BCL2L13: variants seen among roughly 807,000 people sequenced by gnomAD.
The protein encoded by BCL2L13 is bcl-2-like protein 13.
Under a neutral mutation model 25.8 loss-of-function variants are expected in BCL2L13, and 13 were observed. The observed-to-expected ratio is 0.50, with a 90% CI of 0.33 to 0.80. The LOEUF (loss-of-function observed/expected upper bound fraction) is 0.80. Among genes scored for constraint, BCL2L13 ranks in the 30% least tolerant of loss-of-function variants. The pLI, the probability that BCL2L13 is intolerant of heterozygous loss-of-function variation, is 0.02. For synonymous variants in BCL2L13, 244 were observed against 230.3 expected, an observed-to-expected ratio of 1.06 and a Z score of -0.54; for missense variants, 504 against 574.9, an observed-to-expected ratio of 0.88 and a Z score of 1.26.
rs950522712 is a variant in BCL2L13 at position 17,728,784 on chromosome 22, G to A, written c.*1250G>A. The A allele has an allele frequency of 1.3e-5, 2 of 152,254 alleles. No individual in the cohort carries two copies. Among genetic ancestry groups the A allele is most frequent in the African/African-American group, 4.8e-5 (2 of 41,466 alleles). The allele number at this position is 152,254 out of a possible 1,614,324, so 9.4% of individuals were successfully genotyped here. On this transcript the variant is annotated 3_prime_UTR_variant, in exon 7 of 7. Coordinates refer to ENST00000317582, the MANE Select transcript of BCL2L13 (RefSeq NM_015367.4). ...AGTTTGGCTTTCAGAGTTCAAGAGT[G>A]GTGGCATCTTCACCTGAATTCTTCA...
chr22:17,667,543 C>T (rs1446064538), intron 2 of BCL2L13, among the ~76,000 whole-genome samples: 2 of 151,720 alleles, frequency 1.3e-5, no homozygotes, highest in African/African-American at 4.8e-5. Flanking sequence ...GAGTCTATCT[C>T]TGTTGCCCAG....
At chr22:17,698,778 A>G (rs2060346655) in intron 5 of BCL2L13, among the ~76,000 whole-genome samples, 1 of 152,114 alleles carries the variant, frequency 6.6e-6, no homozygotes, top group Non-Finnish European at 1.5e-5. Context: ...TCCACCTGTT[A>G]GTAGTTACTC....
At chr22:17,663,631 C>T (rs2059139845) in intron 2 of BCL2L13, among the ~76,000 whole-genome samples, 1 of 150,582 alleles carries the variant, frequency 6.6e-6, no homozygotes, top group African/African-American at 2.4e-5. Flanking sequence ...ATTTCATCTT[C>T]CTTATTGTGT....
In BCL2L13 at chr22:17,687,952, G is replaced by A. The variant is rs1034694785; in HGVS notation, c.230-1034G>A. Among the ~76,000 whole-genome samples, 5 of 151,834 alleles carry A rather than the reference G, an allele frequency of 3.3e-5. No homozygotes were observed. In the South Asian group the frequency reaches 1.0e-3, roughly 32 times the overall value. ...CCTGCCTCAGGCTCCTGAGTAGCTG[G>A]GGTTACAGGCATGCACCATCACGCC... On this transcript the variant is annotated intron_variant, in intron 3 of 6. Coordinates refer to ENST00000317582, the MANE Select transcript of BCL2L13 (RefSeq NM_015367.4).
chr22:17,675,279 G>A lies in BCL2L13; in HGVS notation c.122-7935G>A, dbSNP rs143784325. On this transcript the variant is annotated intron_variant, in intron 2 of 6. Coordinates refer to ENST00000317582, the MANE Select transcript of BCL2L13 (RefSeq NM_015367.4). Reference sequence around the variant, plus strand: ...AATGTTGTCAATATCGGCCAGACGCGGTGGCTCACTCCTGTAATCCCAGCA... The same window carrying A: ...AATGTTGTCAATATCGGCCAGACGCAGTGGCTCACTCCTGTAATCCCAGCA... Among the ~76,000 whole-genome samples the A allele has an allele frequency of 5.9e-5, 9 of 152,180 alleles. No homozygotes were observed. The East Asian group carries it at 1.4e-3, about 23-fold the overall frequency.
At chr22:17,686,748 A>T (rs2059952968) in intron 3 of BCL2L13, among the ~76,000 whole-genome samples, 1 of 151,984 alleles carries the variant, frequency 6.6e-6, no homozygotes. Flanking sequence ...TGACCTTGTG[A>T]TCTACCCGCC....
intron 3 of BCL2L13, among the ~76,000 whole-genome samples, chr22:17,686,508 TTTTTTTTTC>T (rs972315322): frequency 1.8e-4 from 18 of 100,566 alleles, no homozygotes; most frequent in Non-Finnish European, 3.0e-4. Context: ...TTTATATTTC[TTTTTTTTTC>T]TTTTTTTTTT....
chr22:17,638,999 G>T, intron 1 of BCL2L13, 113 bp downstream of exon 1: 1 of 871,978 alleles, frequency 1.1e-6, no homozygotes, highest in Non-Finnish European at 1.5e-6. Context: ...TGGTTCCGAC[G>T]ACGCGTGAGT....
At chr22:17,711,757 G>T (rs1247122935) in intron 6 of BCL2L13, among the ~76,000 whole-genome samples, 2 of 152,188 alleles carry the variant, frequency 1.3e-5, no homozygotes, top group Non-Finnish European at 2.9e-5. Context: ...TTTTAGAAGT[G>T]CAGGTAAGTA....
At chr22:17,644,298 G>A (rs1416115837) in intron 1 of BCL2L13, among the ~76,000 whole-genome samples, 1 of 148,274 alleles carries the variant, frequency 6.7e-6, no homozygotes, top group Non-Finnish European at 1.5e-5. Flanking sequence ...GATTATAGTT[G>A]TGTTCAACTC....
chr22:17,712,809 A>G (rs547548666), intron 6 of BCL2L13, among the ~76,000 whole-genome samples: 10 of 152,336 alleles, frequency 6.6e-5, no homozygotes, highest in Non-Finnish European at 1.3e-4. Flanking sequence ...CTAAGTAAAC[A>G]GTAGCTATTT....
At chr22:17,693,402 C>T (rs1438893455) in intron 4 of BCL2L13, among the ~76,000 whole-genome samples, 6 of 97,510 alleles carry the variant, frequency 6.2e-5, no homozygotes, top group East Asian at 3.9e-4. Flanking sequence ...TTTTTGGAGA[C>T]GGAGTCTCGC....
At chr22:17,702,195 T>C (rs376835505) in intron 5 of BCL2L13, 48 bp from the exon 6 acceptor site, 51 of 1,445,300 alleles carry the variant, frequency 3.5e-5, no homozygotes, top group Non-Finnish European at 4.6e-5. Flanking sequence ...TAAAACACAT[T>C]ATAAGAATTT....
chr22:17,684,536 A>G (rs2059850836), intron 3 of BCL2L13: 1 of 453,060 alleles, frequency 2.2e-6, no homozygotes, highest in Admixed American at 2.4e-5. Context: ...CTGGAAATAT[A>G]CATAAATAGA....
chr22:17,656,431 A>G (rs535465239), intron 2 of BCL2L13, among the ~76,000 whole-genome samples: 3 of 119,746 alleles, frequency 2.5e-5, no homozygotes, highest in Non-Finnish European at 4.8e-5. Flanking sequence ...GCTCACTGCA[A>G]CCTCCACCTT....
chr22:17,713,859 G>A (rs868008540), intron 6 of BCL2L13, among the ~76,000 whole-genome samples: 25 of 151,946 alleles, frequency 1.6e-4, no homozygotes, highest in African/African-American at 5.8e-4. Flanking sequence ...AAAAAAAATG[G>A]GCCAGGCACA....
chr22:17,658,479 G>A (rs1345751711), intron 2 of BCL2L13, among the ~76,000 whole-genome samples: 7 of 151,338 alleles, frequency 4.6e-5, no homozygotes, highest in Non-Finnish European at 8.8e-5. Context: ...GATCGCCTGA[G>A]GTCAGGAGTT....
rs1477853411 is a variant in BCL2L13, at chr22:17,666,251, A to G, written c.121+10419A>G. Among the ~76,000 whole-genome samples the G allele has an allele frequency of 7.9e-5, 12 of 151,762 alleles. No homozygotes were observed. The East Asian group carries it at 1.9e-3, about 24-fold the overall frequency. On this transcript the variant is annotated intron_variant, in intron 2 of 6. Coordinates refer to ENST00000317582, the MANE Select transcript of BCL2L13 (RefSeq NM_015367.4). The stretch of plus-strand genomic sequence containing the variant: ...TTTTGAGTACATAGTAGGTGTATAT[A>G]TATATTTATGGGGTACATAAGATGT...
At chr22:17,655,300 C>CG (rs762963754) in intron 1 of BCL2L13, among the ~76,000 whole-genome samples, 4 of 138,850 alleles carry the variant, frequency 2.9e-5, no homozygotes, top group Non-Finnish European at 6.2e-5. Flanking sequence ...TTACAGTTCA[C>CG]TTTTTTTTTT....
Sources: allele counts gnomAD v4.1 joint callset (sites outside exome capture counted in the v4.1 genomes callset), GRCh38; gene constraint gnomAD v4.1.1; transcripts MANE v1.5; gene names NCBI Gene and HGNC (gene_info 2026-07-23, HGNC 2026-07-21).